PTPN23: variants seen among roughly 807,000 people sequenced by gnomAD.
PTPN23 encodes tyrosine-protein phosphatase non-receptor type 23.
PTPN23 carries 72 observed loss-of-function variants against 156.3 expected under a neutral mutation model. That is an observed-to-expected ratio of 0.46 (90% CI 0.38 to 0.56). The LOEUF (loss-of-function observed/expected upper bound fraction) is 0.56. Ranked by LOEUF, PTPN23 falls within the 20% of genes least tolerant of loss-of-function variation. The pLI, the probability that PTPN23 is intolerant of heterozygous loss-of-function variation, is 0.00. For missense variants in PTPN23, 1,974 were observed against 2,171.5 expected (o/e 0.91, Z 1.81); for synonymous variants, 957 against 899.6 (o/e 1.06, Z -1.14).
chr3:47,388,706 G>A (rs1469121227), intron 1 of PTPN23, among the ~76,000 whole-genome samples: 1 of 125,140 alleles, frequency 8.0e-6, no homozygotes, highest in Non-Finnish European at 1.6e-5. Context: ...GCCTTGTCAC[G>A]CAGGCTAGAG....
intron 1 of PTPN23, 105 bp downstream of exon 1, chr3:47,381,285 G>A: frequency 6.8e-7 from 1 of 1,477,386 alleles, no homozygotes; most frequent in Admixed American, 2.0e-5. Context: ...CCCGGTCGCA[G>A]GGTCCGGTGA....
Position 47,406,196 on chromosome 3 carries a change from G to C in PTPN23, c.547-129G>C. On this transcript the variant is annotated intron_variant, in intron 6 of 24. Transcript: ENST00000265562. This position sits in a 1 kb window ranked among gnomAD's most constrained non-coding sequence, Gnocchi z 5.8. ...AATCAGGAGCACCGTGGTGCTGCTT[G>C]GAGTGGGGGCAGCTGGGGGAGAGGG... 6.9e-7 allele frequency: 1 copy of C among 1,455,890 alleles called. No homozygotes were observed. The highest frequency in any genetic ancestry group is 9.4e-7 in the Non-Finnish European group (1 of 1,065,282). The allele number at this position is 1,455,890 out of a possible 1,614,324, so 90.2% of individuals were successfully genotyped here. A position where few individuals can be genotyped will look rare whatever the true frequency, so the allele number is the denominator to read the frequency against.
rs1467891484 is a variant in PTPN23, at chr3:47,412,134, C to A, written c.4114C>A (p.Gln1372Lys). ...CCCCAGCAACTTGCTGCGCTTCATC[C>A]AGGAGGTGCACGCACATTACCTGCA... The part of the protein sequence containing the change: ...DSPSNLLRFI[Q>K]EVHAHYLHQR... Residue 1372 changes from glutamine to lysine, a missense_variant, in exon 22 of 25, where the codon CAG (glutamine) becomes AAG (lysine). Transcript: ENST00000265562. The A allele has an allele frequency of 6.2e-7, 1 of 1,613,172 alleles. No individual in the cohort carries two copies. The highest frequency in any genetic ancestry group is 2.2e-5 in the East Asian group (1 of 44,876).
chr3:47,406,000 T>C lies in PTPN23; in HGVS notation c.500T>C (p.Val167Ala), dbSNP rs1276100558. Residue 167 changes from valine to alanine, a missense_variant, in exon 6 of 25, where the codon GTC becomes GCC. By Grantham distance (64) the Val-to-Ala change is moderately conservative. This residue lies in a region of PTPN23 where 726 missense variants were observed against 929.5 expected (regional missense o/e 0.78). Coordinates refer to ENST00000265562, the MANE Select transcript of PTPN23 (RefSeq NM_015466.4). The surrounding 1 kb of genome is among the most constrained non-coding windows in gnomAD (Gnocchi z 4.7). ...GAGCACTTCCCTCAAGCCTACAGCGTCGACATGAGCCGCCAGATCCTTACG... is the reference window on the plus strand; with the variant it reads ...GAGCACTTCCCTCAAGCCTACAGCGCCGACATGAGCCGCCAGATCCTTACG... ...LREHFPQAYS[V>A]DMSRQILTLN... The C allele has an allele frequency of 6.2e-7, 1 of 1,613,644 alleles. No homozygotes were observed. Among genetic ancestry groups the C allele is most frequent in the African/African-American group, 1.3e-5 (1 of 74,924 alleles).
chr3:47,410,817 C>T lies in PTPN23; in HGVS notation c.3019C>T (p.Leu1007=), dbSNP rs772455768. The T allele has an allele frequency of 6.2e-7, 1 of 1,601,498 alleles. No homozygotes were observed. Among genetic ancestry groups the T allele is most frequent in the Non-Finnish European group, 8.5e-7 (1 of 1,170,764 alleles). The change falls in exon 20 of 25, where the codon CTG becomes TTG. Residue 1007 remains leucine (L), a synonymous_variant. Transcript: ENST00000265562. ...PYPYAPQPGV[L]GQPPPPLHTQ... ...CCCCTATGCCCCTCAGCCTGGGGTCCTGGGGCAGCCGCCACCCCCCCTACA... is the reference window on the plus strand; with the variant it reads ...CCCCTATGCCCCTCAGCCTGGGGTCTTGGGGCAGCCGCCACCCCCCCTACA...
At position 47,405,978 on chromosome 3, in the gene PTPN23, C is replaced by T. The variant is rs555640873; in HGVS notation, c.478C>T (p.His160Tyr). The change falls in exon 6 of 25, where the codon CAC becomes TAC. Residue 160 changes from histidine to tyrosine, a missense_variant. Physicochemically the swap from His to Tyr is moderately conservative, Grantham distance 83. Coordinates refer to ENST00000265562, the MANE Select transcript of PTPN23 (RefSeq NM_015466.4). This position sits in a 1 kb window ranked among gnomAD's most constrained non-coding sequence, Gnocchi z 4.7. ...CGGCGCCTTCGCCTACCTACGGGAG[C>T]ACTTCCCTCAAGCCTACAGCGTCGA... is the stretch of plus-strand genomic sequence containing the variant. ...AAGAFAYLRE[H>Y]FPQAYSVDMS... 3.1e-6 allele frequency: 5 copies of T among 1,613,922 alleles called. No homozygotes were observed. The highest frequency in any genetic ancestry group is 1.3e-5 in the African/African-American group (1 of 75,058).
Position 47,389,764 on chromosome 3 carries a change from CG to C in PTPN23, c.85-6372del, listed in dbSNP as rs550703393. Among the ~76,000 whole-genome samples, 171 of 142,582 alleles carry C rather than the reference CG, an allele frequency of 1.2e-3. 1 individual carries two copies. The highest frequency in any genetic ancestry group is 4.1e-3 in the African/African-American group (161 of 38,834). 93.5% of individuals were successfully genotyped at this position (142,582 alleles called of 152,430 possible). ...CTGAGGCAGGAGAATGGCGTGAACC[CG>C]GGGGGGTGGAGCTTGCAGTGAGCTG... On this transcript the variant is annotated intron_variant, in intron 1 of 24. Transcript: ENST00000265562.
chr3:47,400,560 A>G (rs1173169932), intron 2 of PTPN23, among the ~76,000 whole-genome samples: 3 of 152,218 alleles, frequency 2.0e-5, no homozygotes, highest in African/African-American at 7.2e-5. Flanking sequence ...GAAGTACAAG[A>G]CAAATTTTAT....
chr3:47,395,970 G>A (rs1382630542), intron 1 of PTPN23, among the ~76,000 whole-genome samples, 173 bp from the exon 2 acceptor site: 3 of 59,526 alleles, frequency 5.0e-5, no homozygotes, highest in Admixed American at 2.2e-4. Flanking sequence ...GGCTCTCGTG[G>A]TCAGCATTTT....
intron 2 of PTPN23, among the ~76,000 whole-genome samples, chr3:47,402,985 C>T (rs1209330259): frequency 1.3e-5 from 2 of 152,010 alleles, no homozygotes; most frequent in African/African-American, 2.4e-5. Flanking sequence ...GGATTATGGG[C>T]GTGAGCCACC....
At chr3:47,388,541 G>C (rs1227259058) in intron 1 of PTPN23, among the ~76,000 whole-genome samples, 1 of 151,830 alleles carries the variant, frequency 6.6e-6, no homozygotes, top group Non-Finnish European at 1.5e-5. Flanking sequence ...GGTAAATGGA[G>C]TATCCATTAC....
rs773281769 is a variant in PTPN23 at position 47,409,772 on chromosome 3, G to A, written c.2067G>A (p.Leu689=). ...YADLESKVAA[L]LERTQSTCQA... ...ATCTGGAGAGCAAGGTGGCTGCTCTGCTGGAGCGCACGCAGTCCACCTGCC... is the reference window on the plus strand; with the variant it reads ...ATCTGGAGAGCAAGGTGGCTGCTCTACTGGAGCGCACGCAGTCCACCTGCC... The change falls in exon 19 of 25, where the codon CTG becomes CTA. Residue 689 remains leucine, a synonymous_variant. Transcript: ENST00000265562. The A allele has an allele frequency of 1.6e-5, 26 of 1,608,050 alleles. No homozygotes were observed. The highest frequency in any genetic ancestry group is 2.1e-5 in the Non-Finnish European group (25 of 1,179,524).
At chr3:47,397,641 T>C (rs1357874356) in intron 2 of PTPN23, among the ~76,000 whole-genome samples, 2 of 152,154 alleles carry the variant, frequency 1.3e-5, no homozygotes, top group African/African-American at 4.8e-5. Flanking sequence ...TTTGGATACA[T>C]TTTCATTTAG....
At chr3:47,394,692 A>G (rs1489173768) in intron 1 of PTPN23, among the ~76,000 whole-genome samples, 1 of 152,220 alleles carries the variant, frequency 6.6e-6, no homozygotes, top group Non-Finnish European at 1.5e-5. Flanking sequence ...ATTTGGTCCT[A>G]GAGGCTTTGG....
intron 1 of PTPN23, among the ~76,000 whole-genome samples, chr3:47,395,087 GCAGA>G (rs1377511559): frequency 6.6e-6 from 1 of 152,148 alleles, no homozygotes; most frequent in Non-Finnish European, 1.5e-5. Context: ...TGCTCACCAG[GCAGA>G]CAGAAGCTGT....
intron 1 of PTPN23, among the ~76,000 whole-genome samples, chr3:47,395,163 A>C (rs1241651946): frequency 6.6e-6 from 1 of 152,188 alleles, no homozygotes; most frequent in Non-Finnish European, 1.5e-5. Flanking sequence ...GGTCCTGGGA[A>C]GGGACCTCAG....
Position 47,410,269 on chromosome 3 carries a change from C to A in PTPN23, c.2471C>A (p.Ala824Asp). Residue 824 changes from alanine to aspartate, a missense_variant, in exon 20 of 25, where the codon GCC becomes GAC. Ala to Asp is a moderately radical substitution (Grantham distance 126). Around this residue, in one of 4 missense-constraint regions of PTPN23, gnomAD observed 731 missense variants for 669.1 expected, o/e 1.09. Coordinates refer to ENST00000265562, the MANE Select transcript of PTPN23 (RefSeq NM_015466.4). Reference protein sequence around the residue: ...PVAPGPALYPAPAYTPELGLV... With the variant: ...PVAPGPALYPDPAYTPELGLV... ...GCACCTGGGCCTGCCCTCTACCCAG[C>A]CCCTGCCTACACACCGGAGCTGGGC... is the stretch of plus-strand genomic sequence containing the variant. 6.2e-7 allele frequency: 1 copy of A among 1,608,790 alleles called. No individual in the cohort carries two copies. The highest frequency in any genetic ancestry group is 1.7e-5 in the Admixed American group (1 of 59,518).
intron 14 of PTPN23, 135 bp from the exon 15 acceptor site, chr3:47,408,210 G>A: frequency 7.9e-7 from 1 of 1,260,222 alleles, no homozygotes; most frequent in Non-Finnish European, 1.1e-6. Context: ...AGACCTGGTA[G>A]TAGGGGTCCG....
chr3:47,382,898 C>T (rs1704578084), intron 1 of PTPN23, among the ~76,000 whole-genome samples: 1 of 151,156 alleles, frequency 6.6e-6, no homozygotes, highest in Non-Finnish European at 1.5e-5. Flanking sequence ...TCGTGTTAGC[C>T]AGGATAGTCT....
Sources: gnomAD v4.1 joint callset for allele counts (sites outside exome capture counted in the v4.1 genomes callset) on GRCh38, gnomAD v4.1.1 for gene constraint, gnomAD v4.1.1 regional missense constraint, Gnocchi (gnomAD v3.1) non-coding constraint, MANE v1.5 for transcripts, NCBI Gene and HGNC (gene_info 2026-07-23, HGNC 2026-07-21) for gene names.